The following SPATS2 variants were observed in gnomAD, a reference collection of about 807,000 sequenced individuals.
The protein encoded by SPATS2 is spermatogenesis-associated serine-rich protein 2.
SPATS2 carries 38 observed loss-of-function variants against 63.7 expected under a neutral mutation model. The observed-to-expected ratio is 0.60, with a 90% CI of 0.46 to 0.78. SPATS2 has a LOEUF of 0.78. Among genes scored for constraint, SPATS2 ranks in the 30% least tolerant of loss-of-function variants. SPATS2 has a pLI of 0.00. For missense variants in SPATS2, 588 were observed against 666.2 expected (o/e 0.88, Z 1.29); for synonymous variants, 207 against 232.9 (o/e 0.89, Z 1.01).
Position 49,526,642 on chromosome 12 carries a change from CTAACAACTATT to C in SPATS2, c.*389_*399del. Reference sequence around the variant, plus strand: ...CCACAGGTGCCTGACAGGTTCCCTTCTAACAACTATTTGACCAAGAGAGGCAATCAGGGGGT... The same window carrying C: ...CCACAGGTGCCTGACAGGTTCCCTTCTGACCAAGAGAGGCAATCAGGGGGT... On this transcript the variant is annotated 3_prime_UTR_variant, in exon 14 of 14. Coordinates refer to ENST00000552918, the MANE Select transcript of SPATS2 (RefSeq NM_023071.4). 5.1e-6 allele frequency: 1 copy of C among 195,148 alleles called. No homozygotes were observed. The highest frequency in any genetic ancestry group is 1.0e-5 in the Non-Finnish European group (1 of 95,308). The allele number at this position is 195,148 out of a possible 1,614,324, so 12.1% of individuals were successfully genotyped here. A position where few individuals can be genotyped will look rare whatever the true frequency, so the allele number is the denominator to read the frequency against.
intron 12 of SPATS2, among the ~76,000 whole-genome samples, chr12:49,524,428 G>A (rs918906953): frequency 6.6e-6 from 1 of 152,156 alleles, no homozygotes; most frequent in Non-Finnish European, 1.5e-5. Context: ...ATTAGTTGGT[G>A]GGGAATGGGT....
chr12:49,372,529 G>A (rs1944015885), intron 2 of SPATS2, among the ~76,000 whole-genome samples: 2 of 152,162 alleles, frequency 1.3e-5, no homozygotes, highest in African/African-American at 4.8e-5. Context: ...GTTATATACA[G>A]TTCTTTCCAG....
intron 11 of SPATS2, among the ~76,000 whole-genome samples, chr12:49,520,875 C>T (rs200808099): frequency 2.0e-5 from 3 of 152,084 alleles, no homozygotes; most frequent in Admixed American, 6.6e-5. Flanking sequence ...TGTGTCACCA[C>T]GCCCTGCTAA....
chr12:49,438,817 C>A (rs77850932), intron 2 of SPATS2, among the ~76,000 whole-genome samples: 332 of 152,264 alleles, frequency 2.2e-3, no homozygotes, highest in Non-Finnish European at 4.3e-3. Flanking sequence ...TTCATTCAGT[C>A]AGCCAGCTAA....
intron 2 of SPATS2, among the ~76,000 whole-genome samples, chr12:49,446,853 G>C (rs1047938828): frequency 1.3e-5 from 2 of 152,084 alleles, no homozygotes; most frequent in African/African-American, 4.8e-5. Flanking sequence ...GAATCTTGGG[G>C]AGATATCTTT....
intron 9 of SPATS2, among the ~76,000 whole-genome samples, chr12:49,513,210 AGTGTGT>A (rs71860115): frequency 3.5e-4 from 52 of 148,124 alleles, no homozygotes; most frequent in East Asian, 1.8e-3. Flanking sequence ...AGAGAGAAAG[AGTGTGT>A]GTGTGTGTGT....
chr12:49,500,469 A>G (rs1454041466), intron 9 of SPATS2, among the ~76,000 whole-genome samples: 4 of 152,160 alleles, frequency 2.6e-5, no homozygotes, highest in African/African-American at 9.7e-5. Flanking sequence ...AGAGTAGATC[A>G]TATACTTTAA....
intron 2 of SPATS2, among the ~76,000 whole-genome samples, chr12:49,454,760 G>A (rs968448189): frequency 9.9e-5 from 15 of 151,980 alleles, no homozygotes; most frequent in Non-Finnish European, 2.2e-4. Flanking sequence ...GTATGCGCCT[G>A]TAGCCGTGAC....
intron 3 of SPATS2, among the ~76,000 whole-genome samples, chr12:49,464,142 C>T (rs1364184016): frequency 6.6e-6 from 1 of 152,016 alleles, no homozygotes; most frequent in African/African-American, 2.4e-5. Flanking sequence ...TAAAATTTGC[C>T]CAAGTGTATA....
intron 2 of SPATS2, among the ~76,000 whole-genome samples, chr12:49,392,670 A>T (rs2137254301): frequency 6.6e-6 from 1 of 151,790 alleles, no homozygotes; most frequent in Admixed American, 6.6e-5. Flanking sequence ...CCGAGATCTC[A>T]CCACTGCACT....
chr12:49,386,877 G>A (rs1343633934), intron 2 of SPATS2, among the ~76,000 whole-genome samples: 1 of 152,190 alleles, frequency 6.6e-6, no homozygotes, highest in South Asian at 2.1e-4. Flanking sequence ...GACAAGATCA[G>A]TGGAAGTGAG....
At position 49,414,939 on chromosome 12, in the gene SPATS2, TC is replaced by T. The variant is rs1478610165; in HGVS notation, c.-244+43650del. Among the ~76,000 whole-genome samples the T allele has an allele frequency of 5.6e-4, 82 of 145,366 alleles. 3 individuals are homozygous for T. Among genetic ancestry groups the T allele is most frequent in the African/African-American group, 1.6e-3 (61 of 38,590 alleles). ...TCTTTTTCTTTTTTTCTTTTTCTTT[TC>T]TTTTTTTTTTTTTTTTGAGACAGAG... On this transcript the variant is annotated intron_variant, in intron 2 of 13. Coordinates refer to ENST00000552918, the MANE Select transcript of SPATS2 (RefSeq NM_023071.4).
At chr12:49,435,377 T>G (rs1428029093) in intron 2 of SPATS2, among the ~76,000 whole-genome samples, 2 of 148,062 alleles carry the variant, frequency 1.4e-5, no homozygotes, top group Non-Finnish European at 1.5e-5. Flanking sequence ...CGGGCCAGAG[T>G]GCCATGGTAT....
At chr12:49,467,950 G>A (rs1033808864) in intron 3 of SPATS2, among the ~76,000 whole-genome samples, 3 of 151,898 alleles carry the variant, frequency 2.0e-5, no homozygotes, top group African/African-American at 2.4e-5. Context: ...AGCCAGGATG[G>A]TCTCGATCTC....
Position 49,492,607 on chromosome 12 carries a change from A to G in SPATS2, c.264+1876A>G, listed in dbSNP as rs12309060. Reference sequence around the variant, plus strand: ...ATGGACCTGGAAGAGGATGTGTGTTAGAGACACAGACATTCCTTAAAATTT... The same window carrying G: ...ATGGACCTGGAAGAGGATGTGTGTTGGAGACACAGACATTCCTTAAAATTT... On this transcript the variant is annotated intron_variant, in intron 6 of 13. Transcript: ENST00000552918. Among the ~76,000 whole-genome samples the G allele has an allele frequency of 1.2e-3, 188 of 152,288 alleles. 1 individual carries two copies. The highest frequency in any genetic ancestry group is 4.1e-3 in the African/African-American group (169 of 41,554).
chr12:49,415,245 A>G (rs1278191528), intron 2 of SPATS2, among the ~76,000 whole-genome samples: 1 of 151,716 alleles, frequency 6.6e-6, no homozygotes, highest in Non-Finnish European at 1.5e-5. Flanking sequence ...GGGTTTCACC[A>G]TATTGGTCAG....
At chr12:49,498,145 A>AAATATATATATATAT (rs66900382) in intron 8 of SPATS2, among the ~76,000 whole-genome samples, 79 of 98,948 alleles carry the variant, frequency 8.0e-4, no homozygotes, top group African/African-American at 2.7e-3. Context: ...AAAAAAAAAA[A>AAATATATATATATAT]ATATATATAT....
intron 8 of SPATS2, among the ~76,000 whole-genome samples, chr12:49,498,145 A>ATATATATATATATATATAT (rs1555191173): frequency 5.1e-5 from 5 of 98,978 alleles, no homozygotes; most frequent in African/African-American, 2.5e-4. Context: ...AAAAAAAAAA[A>ATATATATATATATATATAT]ATATATATAT....
chr12:49,439,843 C>T (rs11169016), intron 2 of SPATS2, among the ~76,000 whole-genome samples: 44,844 of 152,000 alleles, frequency 0.3, 8,963 homozygotes, highest in African/African-American at 0.57. Context: ...TATGTCTTTA[C>T]GCTGACATTA....
Sources: gnomAD v4.1 joint callset for allele counts (sites outside exome capture counted in the v4.1 genomes callset) on GRCh38, gnomAD v4.1.1 for gene constraint, MANE v1.5 for transcripts, NCBI Gene and HGNC (gene_info 2026-07-23, HGNC 2026-07-21) for gene names.